Variants in DPP10 observed in about 807,000 individuals in gnomAD.
The protein encoded by DPP10 is inactive dipeptidyl peptidase 10.
Under a neutral mutation model 120.9 loss-of-function variants are expected in DPP10, and 33 were observed. The ratio of observed to expected loss-of-function variants is 0.27; its 90% CI spans 0.21 to 0.37. The LOEUF (loss-of-function observed/expected upper bound fraction) is 0.37. Among genes scored for constraint, DPP10 ranks in the 10% least tolerant of loss-of-function variants. The probability of loss-of-function intolerance (pLI) is 1.00; values close to 1 mark genes in which losing one functional copy is unlikely to be tolerated. For synonymous variants in DPP10, 337 were observed against 326.1 expected (o/e 1.03, Z -0.36); for missense variants, 816 against 942.8 (o/e 0.87, Z 1.76).
At chr2:115,273,429 C>G (rs1158119332) in intron 1 of DPP10, among the ~76,000 whole-genome samples, 2 of 152,098 alleles carry the variant, frequency 1.3e-5, no homozygotes, top group African/African-American at 4.8e-5. Flanking sequence ...CTCCGCCTCC[C>G]GGGTTCACAC....
chr2:115,057,023 G>C (rs1705975523), intron 1 of DPP10, among the ~76,000 whole-genome samples: 1 of 152,066 alleles, frequency 6.6e-6, no homozygotes, highest in Non-Finnish European at 1.5e-5. Flanking sequence ...TAAAAGAGGA[G>C]AACTATTTCC....
chr2:114,894,257 T>G (rs1035720667), intron 1 of DPP10, among the ~76,000 whole-genome samples: 1 of 152,178 alleles, frequency 6.6e-6, no homozygotes, highest in Non-Finnish European at 1.5e-5. Context: ...GAAGTTCCAA[T>G]TTATGCCTGT....
intron 1 of DPP10, among the ~76,000 whole-genome samples, chr2:114,876,905 A>G (rs886860474): frequency 6.6e-6 from 1 of 152,094 alleles, no homozygotes; most frequent in Non-Finnish European, 1.5e-5. Context: ...TAAAGGTACT[A>G]AAGTGTCACG....
At chr2:114,933,302 C>T (rs1411173828) in intron 1 of DPP10, among the ~76,000 whole-genome samples, 3 of 152,172 alleles carry the variant, frequency 2.0e-5, no homozygotes, top group Admixed American at 6.5e-5. Flanking sequence ...CTGGGTACCT[C>T]TTTTGCAACC....
intron 19 of DPP10, among the ~76,000 whole-genome samples, chr2:115,797,831 A>G (rs1684712428): frequency 6.6e-6 from 1 of 151,976 alleles, no homozygotes; most frequent in Non-Finnish European, 1.5e-5. Context: ...TTGCTGTATT[A>G]AGAAGGTGAC....
At chr2:115,102,577 A>AC (rs1371929472) in intron 1 of DPP10, among the ~76,000 whole-genome samples, 1 of 151,182 alleles carries the variant, frequency 6.6e-6, no homozygotes, top group African/African-American at 2.4e-5. Flanking sequence ...CGCCCGGCTA[A>AC]TTTTTGTATT....
intron 1 of DPP10, among the ~76,000 whole-genome samples, chr2:114,741,503 G>A (rs563526145): frequency 2.2e-4 from 33 of 152,196 alleles, no homozygotes; most frequent in African/African-American, 7.9e-4. Flanking sequence ...TGGCCTATAG[G>A]AACAGGAAGA....
At chr2:115,190,221 G>C (rs1207500044) in intron 1 of DPP10, among the ~76,000 whole-genome samples, 1 of 152,024 alleles carries the variant, frequency 6.6e-6, no homozygotes, top group Admixed American at 6.6e-5. Flanking sequence ...CCAAAATATT[G>C]ACTTAAATCC....
intron 1 of DPP10, among the ~76,000 whole-genome samples, chr2:114,820,800 A>T (rs1047672629): frequency 2.0e-5 from 3 of 152,184 alleles, no homozygotes; most frequent in African/African-American, 7.2e-5. Flanking sequence ...TGGGAACTAC[A>T]ACTGGCGATG....
At chr2:114,466,578 G>A (rs1179873853) in intron 1 of DPP10, among the ~76,000 whole-genome samples, 3 of 152,130 alleles carry the variant, frequency 2.0e-5, no homozygotes, top group Admixed American at 6.6e-5. Flanking sequence ...TTTCTTTTGT[G>A]CTGAATAAGA....
intron 1 of DPP10, among the ~76,000 whole-genome samples, chr2:114,531,513 C>CAT (rs147167997): frequency 1.2e-4 from 18 of 146,858 alleles, no homozygotes; most frequent in African/African-American, 3.0e-4. Flanking sequence ...CTATGTATAC[C>CAT]ATATATATAT....
intron 1 of DPP10, among the ~76,000 whole-genome samples, chr2:114,858,129 A>C (rs1048394854): frequency 6.6e-6 from 1 of 152,086 alleles, no homozygotes; most frequent in Non-Finnish European, 1.5e-5. Flanking sequence ...AGCTGGGACT[A>C]CAGATGCACG....
intron 5 of DPP10, among the ~76,000 whole-genome samples, chr2:115,544,553 T>C (rs1409792085): frequency 1.3e-5 from 2 of 152,098 alleles, no homozygotes; most frequent in Non-Finnish European, 2.9e-5. Context: ...GAGTTCATTC[T>C]GGCCCAAAAT....
At chr2:115,791,466 T>A in intron 19 of DPP10, 110 bp downstream of exon 19, 1 of 905,390 alleles carries the variant, frequency 1.1e-6, no homozygotes, top group Non-Finnish European at 1.7e-6. Context: ...TGTGTGTAGT[T>A]AATCAGGACA....
In DPP10 at chr2:115,499,577, C is replaced by T. The variant is rs374186916; in HGVS notation, c.339C>T (p.Thr113=). The T allele has an allele frequency of 3.7e-6, 6 of 1,610,922 alleles. No homozygotes were observed. Among genetic ancestry groups the T allele is most frequent in the Admixed American group, 1.7e-5 (1 of 59,722 alleles). ...VIKLNIETNA[T]TLLLENTTFV... The stretch of plus-strand genomic sequence containing the variant: ...AACTGAATATAGAAACAAATGCTAC[C>T]ACATTATTATTGGAAAACACAACTT... The change falls in exon 4 of 26, where the codon ACC becomes ACT. Residue 113 remains threonine (T), a synonymous_variant. Coordinates refer to ENST00000410059, the MANE Select transcript of DPP10 (RefSeq NM_020868.6).
At chr2:115,374,701 T>A (rs972983467) in intron 3 of DPP10, among the ~76,000 whole-genome samples, 1 of 152,244 alleles carries the variant, frequency 6.6e-6, no homozygotes, top group African/African-American at 2.4e-5. Context: ...TTCCCAAACT[T>A]CATCTCTTGT....
intron 8 of DPP10, among the ~76,000 whole-genome samples, chr2:115,728,346 G>A (rs1309331352): frequency 1.3e-5 from 2 of 150,712 alleles, no homozygotes; most frequent in Non-Finnish European, 3.0e-5. Flanking sequence ...TTCCATTAGG[G>A]ACATTCTGTC....
chr2:114,447,989 C>A (rs1005852856), intron 1 of DPP10, among the ~76,000 whole-genome samples: 1 of 152,138 alleles, frequency 6.6e-6, no homozygotes, highest in Non-Finnish European at 1.5e-5. Flanking sequence ...CTGCTAATGA[C>A]AAATTTATCA....
chr2:115,787,206 G>T (rs1441857501), intron 17 of DPP10, among the ~76,000 whole-genome samples: 1 of 152,114 alleles, frequency 6.6e-6, no homozygotes, highest in Non-Finnish European at 1.5e-5. Context: ...ATGTCACAAT[G>T]GTTGGTATCT....
Sources: gnomAD v4.1 joint callset for allele counts (sites outside exome capture counted in the v4.1 genomes callset) on GRCh38, gnomAD v4.1.1 for gene constraint, MANE v1.5 for transcripts, NCBI Gene and HGNC (gene_info 2026-07-23, HGNC 2026-07-21) for gene names.